VPS4B: variants seen among roughly 807,000 people sequenced by gnomAD.
VPS4B encodes vacuolar protein sorting-associated protein 4B.
Under a neutral mutation model 56.1 loss-of-function variants are expected in VPS4B, and 23 were observed. That is an observed-to-expected ratio of 0.41 (90% CI 0.30 to 0.58). VPS4B has a LOEUF of 0.58. VPS4B is among the 20% of genes least tolerant of loss of function. The pLI is 0.29. For missense variants in VPS4B, 372 were observed against 531.9 expected (o/e 0.70, Z 2.96); for synonymous variants, 177 against 186.0 (o/e 0.95, Z 0.39).
In VPS4B at chr18:63,397,115, T is replaced by TG; in HGVS notation, c.1010dup (p.Gly338ArgfsTer10). 1 of 1,614,208 alleles carries TG rather than the reference T, an allele frequency of 6.2e-7. No individual in the cohort carries two copies. On this transcript the variant is annotated frameshift_variant, in exon 9 of 11. Transcript: ENST00000238497. LOFTEE classifies it high-confidence loss of function. ...GTACAATGATACTTATATCTGCCCC[T>TG]GAATAACCATCTGTTTTCCTCCCAA...
chr18:63,391,287 G>T lies in VPS4B; in HGVS notation c.1234-211C>A, dbSNP rs183728107. Among the ~76,000 whole-genome samples the T allele has an allele frequency of 5.4e-5, 8 of 147,648 alleles. No individual in the cohort carries two copies. In the East Asian group the frequency reaches 1.6e-3, roughly 29 times the overall value. On this transcript the variant is annotated intron_variant, in intron 10 of 10. Coordinates refer to ENST00000238497, the MANE Select transcript of VPS4B (RefSeq NM_004869.4). ...CTGTTGGCTCAGGCTGGAGCGCAGT[G>T]GCGTGATCTTGGCTCATTGCAACCT...
At chr18:63,411,770 T>C (rs1916051407) in intron 1 of VPS4B, among the ~76,000 whole-genome samples, 192 bp from the exon 2 acceptor site, 1 of 152,160 alleles carries the variant, frequency 6.6e-6, no homozygotes, top group Non-Finnish European at 1.5e-5. Flanking sequence ...CTGTATTTTA[T>C]TATAAATTAC....
rs893157709 is a variant in VPS4B, at chr18:63,422,304, A to G, written c.-45T>C. 11 of 1,461,836 alleles carry G rather than the reference A, an allele frequency of 7.5e-6. No individual in the cohort carries two copies. Among genetic ancestry groups the G allele is most frequent in the South Asian group, 1.4e-5 (1 of 71,510 alleles). 90.6% of individuals were successfully genotyped at this position (1,461,836 alleles called of 1,614,324 possible). On this transcript the variant is annotated 5_prime_UTR_variant, in exon 1 of 11. Transcript: ENST00000238497. The stretch of plus-strand genomic sequence containing the variant: ...TCCCAAGGGAACGAGGGGCGAGGAG[A>G]GCCAACAGCAGCAACGTCGAAGCGC...
chr18:63,394,793 A>G (rs563686787), intron 9 of VPS4B, among the ~76,000 whole-genome samples: 1 of 152,242 alleles, frequency 6.6e-6, no homozygotes, highest in Non-Finnish European at 1.5e-5. Context: ...CATCTGTTTC[A>G]CAATAATCGA....
At chr18:63,405,556 T>G (rs1915898101) in intron 4 of VPS4B, among the ~76,000 whole-genome samples, 1 of 152,190 alleles carries the variant, frequency 6.6e-6, no homozygotes, top group Admixed American at 6.5e-5. Flanking sequence ...ATACATTTCC[T>G]CATTTAAATG....
chr18:63,395,408 C>T (rs1473888390), intron 9 of VPS4B, among the ~76,000 whole-genome samples: 1 of 152,152 alleles, frequency 6.6e-6, no homozygotes, highest in Non-Finnish European at 1.5e-5. Context: ...TATTATATCA[C>T]TTCATTATTG....
At chr18:63,405,277 C>A (rs1568087186) in intron 4 of VPS4B, among the ~76,000 whole-genome samples, 1 of 152,046 alleles carries the variant, frequency 6.6e-6, no homozygotes, top group African/African-American at 2.4e-5. Context: ...TAGTATATTA[C>A]TTAATCACAA....
chr18:63,399,658 C>G lies in VPS4B; in HGVS notation c.791-335G>C, dbSNP rs879532475. The stretch of plus-strand genomic sequence containing the variant: ...GTTCCTGGTACATTATAAATGAATA[C>G]ATTAAATCTCTTTTCTATTTATGTC... On this transcript the variant is annotated intron_variant, in intron 7 of 10. Transcript: ENST00000238497. Among the ~76,000 whole-genome samples, 1,351 of 152,206 alleles carry G rather than the reference C, an allele frequency of 8.9e-3. 12 individuals carry two copies. The highest frequency in any genetic ancestry group is 0.024 in the Middle Eastern group (7 of 294).
In VPS4B at chr18:63,405,820, C is replaced by A. The variant is rs1454780017; in HGVS notation, c.364+1612G>T. Reference sequence around the variant, plus strand: ...AAAAACAAACAAACAAACAAACAAACAAACAAAAAAAAAAACTTAGCCGGG... The same window carrying A: ...AAAAACAAACAAACAAACAAACAAAAAAACAAAAAAAAAAACTTAGCCGGG... On this transcript the variant is annotated intron_variant, in intron 4 of 10. Coordinates refer to ENST00000238497, the MANE Select transcript of VPS4B (RefSeq NM_004869.4). Among the ~76,000 whole-genome samples the A allele has an allele frequency of 4.0e-5, 6 of 149,366 alleles. No individual in the cohort carries two copies. In the South Asian group the frequency reaches 6.3e-4, roughly 16 times the overall value.
chr18:63,393,672 G>A, intron 9 of VPS4B, 123 bp from the exon 10 acceptor site: 1 of 1,068,042 alleles, frequency 9.4e-7, no homozygotes, highest in Non-Finnish European at 1.2e-6. Context: ...GTTTACTTTT[G>A]GAAAAAAAAT....
intron 9 of VPS4B, among the ~76,000 whole-genome samples, chr18:63,394,089 ATTGC>A (rs754359613): frequency 1.2e-4 from 19 of 152,102 alleles, no homozygotes; most frequent in Non-Finnish European, 2.2e-4. Flanking sequence ...CCTACAATAA[ATTGC>A]TTGTATGATC....
rs1916003616 is a variant in VPS4B at position 63,410,156 on chromosome 18, CT to C, written c.296+133del. ...TGGGCACGGCTGTGTTCTGATAAAG[CT>C]TATTCCAAAAACAGGCAGCTGGGCA... On this transcript the variant is annotated intron_variant, in intron 3 of 10. Transcript: ENST00000238497. 4.2e-6 allele frequency: 5 copies of C among 1,183,934 alleles called. No homozygotes were observed. In the African/African-American group the frequency reaches 7.7e-5, roughly 18 times the overall value. The allele number at this position is 1,183,934 out of a possible 1,614,324, so 73.3% of individuals were successfully genotyped here.
At position 63,389,920 on chromosome 18, in the gene VPS4B, C is replaced by CTT. The variant is rs1177001669; in HGVS notation, c.*1054_*1055insAA. The CTT allele has an allele frequency of 2.6e-5, 4 of 152,530 alleles. No individual in the cohort carries two copies. The highest frequency in any genetic ancestry group is 7.2e-5 in the African/African-American group (3 of 41,418). 9.4% of individuals were successfully genotyped at this position (152,530 alleles called of 1,614,324 possible). A position where few individuals can be genotyped will look rare whatever the true frequency, so the allele number is the denominator to read the frequency against. ...CTACCACCTGTTTTGGTCAATCTTG[C>CTT]TAAAAAAGACACTGAAATAGACAAT... On this transcript the variant is annotated 3_prime_UTR_variant, in exon 11 of 11. Coordinates refer to ENST00000238497, the MANE Select transcript of VPS4B (RefSeq NM_004869.4).
At chr18:63,406,573 T>A (rs902555910) in intron 4 of VPS4B, among the ~76,000 whole-genome samples, 3 of 152,128 alleles carry the variant, frequency 2.0e-5, no homozygotes, top group Admixed American at 1.3e-4. Context: ...ATCTGAAAAA[T>A]TGTTAGATAA....
intron 1 of VPS4B, among the ~76,000 whole-genome samples, chr18:63,412,065 C>T (rs1254957245): frequency 1.3e-5 from 2 of 152,144 alleles, no homozygotes; most frequent in Admixed American, 1.3e-4. Flanking sequence ...CTGAAAAATA[C>T]TCATATATTT....
At chr18:63,411,326 T>C in intron 2 of VPS4B, 141 bp downstream of exon 2, 1 of 564,308 alleles carries the variant, frequency 1.8e-6, no homozygotes, top group Admixed American at 3.9e-5. Flanking sequence ...TAAAAATCAC[T>C]AGAAAGAAAG....
intron 1 of VPS4B, among the ~76,000 whole-genome samples, chr18:63,421,091 A>G (rs1916289183): frequency 6.6e-6 from 1 of 152,134 alleles, no homozygotes; most frequent in African/African-American, 2.4e-5. Context: ...AGACAAATCA[A>G]CACTTGACTT....
chr18:63,417,513 T>C (rs1311449647), intron 1 of VPS4B, among the ~76,000 whole-genome samples: 1 of 152,172 alleles, frequency 6.6e-6, no homozygotes, highest in Non-Finnish European at 1.5e-5. Flanking sequence ...TCAGCGTCCT[T>C]CATTGATTCT....
At chr18:63,413,883 T>C (rs1419304099) in intron 1 of VPS4B, among the ~76,000 whole-genome samples, 1 of 152,086 alleles carries the variant, frequency 6.6e-6, no homozygotes, top group Admixed American at 6.5e-5. Context: ...GGAAGAAAAA[T>C]AAATGGTTTA....
Sources: gnomAD v4.1 joint callset for allele counts (sites outside exome capture counted in the v4.1 genomes callset) on GRCh38, gnomAD v4.1.1 for gene constraint, MANE v1.5 for transcripts, NCBI Gene and HGNC (gene_info 2026-07-23, HGNC 2026-07-21) for gene names.